The following SEMA6D variants were observed in gnomAD, a reference collection of about 807,000 sequenced individuals.
SEMA6D encodes the protein semaphorin 6D.
SEMA6D carries 35 observed loss-of-function variants against 106.6 expected under a neutral mutation model. That is an observed-to-expected ratio of 0.33 (90% confidence interval 0.25 to 0.44). The LOEUF is 0.44. Ranked by LOEUF, SEMA6D falls within the 20% of genes least tolerant of loss-of-function variation. SEMA6D has a pLI of 1.00. For synonymous variants in SEMA6D, 499 were observed against 487.7 expected (o/e 1.02, Z -0.31); for missense variants, 1,185 against 1,345.9 (o/e 0.88, Z 1.87).
At chr15:47,659,543 C>T (rs1270700249) in intron 4 of SEMA6D, among the ~76,000 whole-genome samples, 2 of 151,664 alleles carry the variant, frequency 1.3e-5, no homozygotes, top group African/African-American at 2.4e-5. Flanking sequence ...TTGTCATTTA[C>T]AAACTTGGAG....
intron 1 of SEMA6D, among the ~76,000 whole-genome samples, chr15:47,245,920 C>G (rs1421374216): frequency 6.6e-6 from 1 of 151,962 alleles, no homozygotes; most frequent in Non-Finnish European, 1.5e-5. Context: ...AGGGACATCA[C>G]AGAATTAAAA....
intron 2 of SEMA6D, among the ~76,000 whole-genome samples, chr15:47,464,136 T>G (rs1358531644): frequency 6.6e-6 from 1 of 152,140 alleles, no homozygotes; most frequent in East Asian, 1.9e-4. Flanking sequence ...GACATATCTT[T>G]TGGGGGGCTG....
chr15:47,450,664 T>C (rs564940534), intron 2 of SEMA6D, among the ~76,000 whole-genome samples: 10 of 152,080 alleles, frequency 6.6e-5, no homozygotes, highest in Non-Finnish European at 1.2e-4. Context: ...TTGTTTCAAT[T>C]ATAAAAGTGG....
intron 1 of SEMA6D, among the ~76,000 whole-genome samples, chr15:47,291,777 A>G (rs1243054190): frequency 6.6e-6 from 1 of 152,244 alleles, no homozygotes; most frequent in Non-Finnish European, 1.5e-5. Context: ...ATGTTTTGAT[A>G]ATACCATAAC....
At chr15:47,644,385 G>T (rs1051924241) in intron 4 of SEMA6D, among the ~76,000 whole-genome samples, 3 of 152,298 alleles carry the variant, frequency 2.0e-5, no homozygotes, top group South Asian at 2.1e-4. Context: ...TGATAAAATC[G>T]AATTGCCTCA....
At chr15:47,497,933 A>G (rs2043723775) in intron 3 of SEMA6D, among the ~76,000 whole-genome samples, 1 of 152,048 alleles carries the variant, frequency 6.6e-6, no homozygotes, top group African/African-American at 2.4e-5. Context: ...TGCAAACACT[A>G]CATCAGGACC....
At chr15:47,636,375 A>C (rs1349601248) in intron 4 of SEMA6D, among the ~76,000 whole-genome samples, 1 of 152,158 alleles carries the variant, frequency 6.6e-6, no homozygotes, top group Non-Finnish European at 1.5e-5. Flanking sequence ...CAATAATGCA[A>C]CCCTTTGTCC....
intron 1 of SEMA6D, among the ~76,000 whole-genome samples, chr15:47,208,001 AC>A (rs1895216612): frequency 8.4e-5 from 3 of 35,812 alleles, no homozygotes; most frequent in Admixed American, 7.6e-4. Context: ...GCGCACACAC[AC>A]ACACACACAC....
intron 3 of SEMA6D, among the ~76,000 whole-genome samples, chr15:47,473,977 C>G (rs955771706): frequency 6.6e-6 from 1 of 151,972 alleles, no homozygotes; most frequent in Non-Finnish European, 1.5e-5. Context: ...TGTGCCTTTC[C>G]CAGCTGGCCA....
chr15:47,336,044 A>G (rs2144290107), intron 1 of SEMA6D, among the ~76,000 whole-genome samples: 1 of 152,362 alleles, frequency 6.6e-6, no homozygotes, highest in Non-Finnish European at 1.5e-5. Flanking sequence ...ATCAAAATAC[A>G]GATTGGCAAA....
At chr15:47,396,518 A>G (rs1323119309) in intron 1 of SEMA6D, 1 of 152,376 alleles carries the variant, frequency 6.6e-6, no homozygotes, top group Non-Finnish European at 1.5e-5. Context: ...CAAACAGTCC[A>G]AAAGCTGAAG....
chr15:47,331,179 G>T (rs574539189), intron 1 of SEMA6D, among the ~76,000 whole-genome samples: 1 of 152,122 alleles, frequency 6.6e-6, no homozygotes, highest in African/African-American at 2.4e-5. Context: ...CTGGATAAAT[G>T]TTACCTCAAT....
intron 4 of SEMA6D, among the ~76,000 whole-genome samples, chr15:47,619,206 T>A (rs2077057742): frequency 6.6e-6 from 1 of 152,216 alleles, no homozygotes; most frequent in Admixed American, 6.5e-5. Context: ...TTGCTTGCCT[T>A]CTTGTTTCCT....
chr15:47,375,714 C>T (rs1300469673), intron 1 of SEMA6D, among the ~76,000 whole-genome samples: 1 of 152,114 alleles, frequency 6.6e-6, no homozygotes, highest in Non-Finnish European at 1.5e-5. Context: ...TTATAGAAGT[C>T]TGTTAAAAAT....
At chr15:47,624,264 T>C (rs142684469) in intron 4 of SEMA6D, among the ~76,000 whole-genome samples, 2 of 152,342 alleles carry the variant, frequency 1.3e-5, no homozygotes, top group African/African-American at 4.8e-5. Context: ...TTAGGAGCCG[T>C]ACTTGCATGC....
intron 2 of SEMA6D, among the ~76,000 whole-genome samples, chr15:47,412,998 T>G (rs1468339703): frequency 6.6e-6 from 1 of 152,202 alleles, no homozygotes; most frequent in Non-Finnish European, 1.5e-5. Context: ...CACTTGCTGC[T>G]GTCAGAGACA....
intron 1 of SEMA6D, among the ~76,000 whole-genome samples, chr15:47,294,251 C>G (rs1038814473): frequency 1.4e-5 from 2 of 147,408 alleles, no homozygotes; most frequent in African/African-American, 5.0e-5. Flanking sequence ...TTTTTTTTTT[C>G]TTGGAGTCTT....
chr15:47,494,434 G>A (rs1030560668), intron 3 of SEMA6D, among the ~76,000 whole-genome samples: 1 of 151,848 alleles, frequency 6.6e-6, no homozygotes, highest in African/African-American at 2.4e-5. Context: ...ATGTCCTAAA[G>A]AAATTTCTAA....
intron 1 of SEMA6D, among the ~76,000 whole-genome samples, chr15:47,748,572 G>GA (rs1486650467): frequency 6.6e-6 from 1 of 152,238 alleles, no homozygotes; most frequent in Non-Finnish European, 1.5e-5. Flanking sequence ...GGAAGAATGA[G>GA]AAAGGGGAGA....
Sources: gnomAD v4.1 joint callset for allele counts (sites outside exome capture counted in the v4.1 genomes callset) on GRCh38, gnomAD v4.1.1 for gene constraint, MANE v1.5 for transcripts, NCBI Gene and HGNC (gene_info 2026-07-23, HGNC 2026-07-21) for gene names.